Variants in UGT1A3 observed in about 807,000 individuals in gnomAD.
UGT1A3 encodes UDP glucuronosyltransferase family 1 member A3.
A neutral mutation model predicts 41.0 loss-of-function variants in UGT1A3; 31 were observed. That is an observed-to-expected ratio of 0.76 (90% CI 0.57 to 1.02). The LOEUF (loss-of-function observed/expected upper bound fraction) is 1.02, where lower values mean the gene tolerates loss of function less well. Among genes scored for constraint, UGT1A3 ranks in the 50% least tolerant of loss-of-function variants. The probability of loss-of-function intolerance (pLI) is 0.00; values close to 1 mark genes in which losing one functional copy is unlikely to be tolerated. For synonymous variants in UGT1A3, 262 were observed against 257.6 expected (o/e 1.02, Z -0.17); for missense variants, 737 against 671.0 (o/e 1.10, Z -1.09).
At chr2:233,743,984 C>A in intron 1 of UGT1A3, 1 of 1,291,724 alleles carries the variant, frequency 7.7e-7, no homozygotes, top group South Asian at 1.3e-5. Context: ...CACCCAGGCG[C>A]AGGCCCGAGT....
chr2:233,750,970 G>T (rs1694602078), intron 1 of UGT1A3, among the ~76,000 whole-genome samples: 1 of 151,844 alleles, frequency 6.6e-6, no homozygotes, highest in South Asian at 2.1e-4. Flanking sequence ...GCACTGCCTA[G>T]TGGAGTTGTG....
intron 1 of UGT1A3, among the ~76,000 whole-genome samples, chr2:233,731,040 C>T (rs1274870309): frequency 2.6e-5 from 4 of 152,166 alleles, no homozygotes; most frequent in African/African-American, 9.7e-5. Flanking sequence ...ATGTCATATT[C>T]ACCGAATGTG....
intron 1 of UGT1A3, chr2:233,743,038 A>C (rs968490640): frequency 1.1e-4 from 31 of 283,022 alleles, no homozygotes; most frequent in Non-Finnish European, 2.8e-5. Context: ...CAGAGGTCCT[A>C]TCCGTGTAGT....
At chr2:233,757,539 T>TATATACATATACATAC (rs762018928) in intron 1 of UGT1A3, among the ~76,000 whole-genome samples, 3 of 115,748 alleles carry the variant, frequency 2.6e-5, no homozygotes, top group Admixed American at 2.5e-4. Context: ...GTAAGGAATA[T>TATATACATATACATAC]ATATATATAT....
chr2:233,772,135 A>C (rs1281309979), intron 4 of UGT1A3, 127 bp from the exon 5 acceptor site: 4 of 1,546,748 alleles, frequency 2.6e-6, no homozygotes, highest in Non-Finnish European at 3.5e-6. Context: ...CAACAACAAT[A>C]ATAGAAACAG....
Position 233,757,535 on chromosome 2 carries a change from A to AATATATATATATATATATATATAT in UGT1A3, c.868-9496_868-9473dup, listed in dbSNP as rs67292694. On this transcript the variant is annotated intron_variant, in intron 1 of 4. Transcript: ENST00000482026. ...CAAAGCCAAAATCTTGCCTGTAAGG[A>AATATATATATATATATATATATAT]ATATATATATATATATATATATATA... Among the ~76,000 whole-genome samples the AATATATATATATATATATATATAT allele has an allele frequency of 1.4e-3, 127 of 88,238 alleles. 1 individual carries two copies. The highest frequency in any genetic ancestry group is 9.2e-3 in the East Asian group (33 of 3,584). The allele number at this position is 88,238 out of a possible 152,430, so 57.9% of individuals were successfully genotyped here.
At chr2:233,757,535 A>AATATATATACATATACATATACATATAT (rs376887521) in intron 1 of UGT1A3, among the ~76,000 whole-genome samples, 12 of 88,284 alleles carry the variant, frequency 1.4e-4, no homozygotes, top group Non-Finnish European at 1.5e-4. Flanking sequence ...GCCTGTAAGG[A>AATATATATACATATACATATACATATAT]ATATATATAT....
intron 1 of UGT1A3, among the ~76,000 whole-genome samples, chr2:233,758,290 A>G (rs1270361168): frequency 6.6e-6 from 1 of 152,254 alleles, no homozygotes; most frequent in East Asian, 1.9e-4. Flanking sequence ...AGCTGTGGCC[A>G]CAAACCATCC....
At chr2:233,757,944 T>C (rs1201251132) in intron 1 of UGT1A3, among the ~76,000 whole-genome samples, 1 of 152,112 alleles carries the variant, frequency 6.6e-6, no homozygotes, top group Non-Finnish European at 1.5e-5. Context: ...ACCATCATAT[T>C]GCTGCCCTGC....
At chr2:233,737,978 G>C (rs1166842032) in intron 1 of UGT1A3, among the ~76,000 whole-genome samples, 1 of 152,014 alleles carries the variant, frequency 6.6e-6, no homozygotes, top group East Asian at 1.9e-4. Context: ...ATTTAATATG[G>C]TTTGGCTCTG....
At chr2:233,760,540 A>G (rs777452318) in intron 1 of UGT1A3, 2 of 1,614,130 alleles carry the variant, frequency 1.2e-6, no homozygotes, top group Non-Finnish European at 8.5e-7. Flanking sequence ...GCCATTCCAA[A>G]GGGAGGATGT....
At chr2:233,748,116 G>A in intron 1 of UGT1A3, 1 of 1,611,622 alleles carries the variant, frequency 6.2e-7, no homozygotes, top group Admixed American at 1.7e-5. Flanking sequence ...AATGTTCCAG[G>A]CAAAACAGTT....
At chr2:233,730,184 G>T (rs1575587766) in intron 1 of UGT1A3, among the ~76,000 whole-genome samples, 191 bp downstream of exon 1, 1 of 152,132 alleles carries the variant, frequency 6.6e-6, no homozygotes, top group South Asian at 2.1e-4. Context: ...GTTTTAAATG[G>T]TCACTGAGAG....
Position 233,772,900 on chromosome 2 carries a change from C to A in UGT1A3, c.*341C>A. Reference sequence around the variant, plus strand: ...GCGGGATTCAAAGGTGGTCCCACGGCTGCCCCTACTGCAAATGGCAGTTTT... The same window carrying A: ...GCGGGATTCAAAGGTGGTCCCACGGATGCCCCTACTGCAAATGGCAGTTTT... On this transcript the variant is annotated 3_prime_UTR_variant, in exon 5 of 5. Coordinates refer to ENST00000482026, the MANE Select transcript of UGT1A3 (RefSeq NM_019093.4). 2.4e-6 allele frequency: 1 copy of A among 417,126 alleles called. No homozygotes were observed. The highest frequency in any genetic ancestry group is 4.1e-6 in the Non-Finnish European group (1 of 243,572). The allele number at this position is 417,126 out of a possible 1,614,324, so 25.8% of individuals were successfully genotyped here.
At chr2:233,766,995 T>C in intron 1 of UGT1A3, 39 bp from the exon 2 acceptor site, 2 of 1,613,538 alleles carry the variant, frequency 1.2e-6, no homozygotes, top group Admixed American at 1.7e-5. Context: ...TCAAAGAATA[T>C]GAGAAAAAAT....
At chr2:233,754,396 GT>G in intron 1 of UGT1A3, 1 of 330,590 alleles carries the variant, frequency 3.0e-6, no homozygotes, top group South Asian at 2.6e-5. Flanking sequence ...GGTCCTATCC[GT>G]GCAGTCCCAA....
intron 1 of UGT1A3, 116 bp from the exon 2 acceptor site, chr2:233,766,918 A>G: frequency 1.3e-6 from 2 of 1,548,282 alleles, no homozygotes; most frequent in Non-Finnish European, 1.7e-6. Flanking sequence ...TCTATCTCAA[A>G]CACGCATGCC....
At chr2:233,772,103 ACT>A (rs758185020) in intron 4 of UGT1A3, among the ~76,000 whole-genome samples, 157 bp from the exon 5 acceptor site, 84 of 152,280 alleles carry the variant, frequency 5.5e-4, no homozygotes, top group Admixed American at 1.4e-3. Flanking sequence ...ACAGGGCAAG[ACT>A]CTGTATCTAA....
chr2:233,764,590 G>A (rs1263378964), intron 1 of UGT1A3, among the ~76,000 whole-genome samples: 1 of 152,150 alleles, frequency 6.6e-6, no homozygotes, highest in Non-Finnish European at 1.5e-5. Context: ...GCCTTTTCCA[G>A]ATGAGCTTCA....
Sources: allele counts gnomAD v4.1 joint callset (sites outside exome capture counted in the v4.1 genomes callset), GRCh38; gene constraint gnomAD v4.1.1; transcripts MANE v1.5; gene names NCBI Gene and HGNC (gene_info 2026-07-23, HGNC 2026-07-21).